Variants in FAR1 observed in about 807,000 individuals in gnomAD.
FAR1 encodes the protein fatty acyl-CoA reductase 1.
In FAR1, 22 loss-of-function variants were observed where a neutral mutation model predicts 61.1. The observed-to-expected ratio is 0.36, with a 90% CI of 0.26 to 0.51. FAR1 has a LOEUF of 0.51. Ranked by LOEUF, FAR1 falls within the 20% of genes least tolerant of loss-of-function variation. FAR1 has a pLI of 0.95. For missense variants in FAR1, 359 were observed against 626.9 expected (o/e 0.57, Z 4.56); for synonymous variants, 206 against 209.7 (o/e 0.98, Z 0.15).
In FAR1 at chr11:13,732,125, TAAAAA is replaced by T. The variant is rs11292719; in HGVS notation, c.*3359_*3363del. The T allele has an allele frequency of 1.3e-5, 2 of 149,726 alleles. No individual in the cohort carries two copies. The highest frequency in any genetic ancestry group is 3.0e-5 in the Non-Finnish European group (2 of 67,382). The allele number at this position is 149,726 out of a possible 1,614,324, so 9.3% of individuals were successfully genotyped here. A position where few individuals can be genotyped will look rare whatever the true frequency, so the allele number is the denominator to read the frequency against. On this transcript the variant is annotated 3_prime_UTR_variant, in exon 12 of 12. Transcript: ENST00000354817. ...AGAAATGAGTTAATTGTCTCTGTGA[TAAAAA>T]AAAAAAATGAAATATTTTCTTATTG...
intron 4 of FAR1, among the ~76,000 whole-genome samples, chr11:13,709,316 A>G (rs1346878728): frequency 6.6e-6 from 1 of 152,088 alleles, no homozygotes; most frequent in Non-Finnish European, 1.5e-5. Flanking sequence ...TTTCTCACTC[A>G]TTTTCTTAGA....
intron 1 of FAR1, among the ~76,000 whole-genome samples, chr11:13,675,920 A>G (rs1235355752): frequency 6.6e-6 from 1 of 152,212 alleles, no homozygotes; most frequent in Admixed American, 6.5e-5. Flanking sequence ...ATCTTAAAGT[A>G]TATTCCCTAA....
intron 1 of FAR1, among the ~76,000 whole-genome samples, chr11:13,675,082 C>T (rs1848051566): frequency 6.8e-6 from 1 of 146,666 alleles, no homozygotes; most frequent in South Asian, 2.1e-4. Context: ...CAGTTGTTAC[C>T]ATGCAGTGTG....
At chr11:13,725,615 T>G (rs1591273807) in intron 10 of FAR1, among the ~76,000 whole-genome samples, 1 of 152,274 alleles carries the variant, frequency 6.6e-6, no homozygotes, top group East Asian at 1.9e-4. Flanking sequence ...AAATGCAGAC[T>G]TGGACAATGT....
Position 13,714,627 on chromosome 11 carries a change from G to C in FAR1, c.1074G>C (p.Lys358Asn), listed in dbSNP as rs775487201. Residue 358 changes from lysine to asparagine, a missense_variant, in exon 9 of 12, where the codon AAG (lysine) becomes AAC (asparagine). Coordinates refer to ENST00000354817, the MANE Select transcript of FAR1 (RefSeq NM_032228.6). The stretch of plus-strand genomic sequence containing the variant: ...ATTACTGGATTGCTGTAAGCCATAA[G>C]GCCCCAGCATTCCTGTATGATATCT... ...LYHYWIAVSH[K>N]APAFLYDIYL... The C allele has an allele frequency of 1.9e-6, 3 of 1,613,274 alleles. No homozygotes were observed. In the South Asian group the frequency reaches 3.3e-5, roughly 18 times the overall value.
intron 1 of FAR1, among the ~76,000 whole-genome samples, chr11:13,679,392 T>C (rs1047364660): frequency 1.3e-5 from 2 of 152,160 alleles, no homozygotes; most frequent in Non-Finnish European, 2.9e-5. Flanking sequence ...TAGAAGGAAA[T>C]TGAATACATG....
At chr11:13,677,590 A>C (rs1848080532) in intron 1 of FAR1, among the ~76,000 whole-genome samples, 1 of 152,166 alleles carries the variant, frequency 6.6e-6, no homozygotes, top group Admixed American at 6.5e-5. Flanking sequence ...CCCGATTCTG[A>C]GTTCTTTTGC....
At chr11:13,671,210 G>A (rs1355773388) in intron 1 of FAR1, among the ~76,000 whole-genome samples, 1 of 152,156 alleles carries the variant, frequency 6.6e-6, no homozygotes, top group African/African-American at 2.4e-5. Context: ...GGTGAGTTTT[G>A]AGCCATCATG....
intron 1 of FAR1, among the ~76,000 whole-genome samples, chr11:13,680,020 T>G (rs906871245): frequency 6.6e-6 from 1 of 152,136 alleles, no homozygotes; most frequent in Non-Finnish European, 1.5e-5. Flanking sequence ...AAAGTGGCCA[T>G]TATATCTACT....
chr11:13,709,418 G>A (rs186062748), intron 4 of FAR1, among the ~76,000 whole-genome samples: 1 of 152,204 alleles, frequency 6.6e-6, no homozygotes, highest in African/African-American at 2.4e-5. Flanking sequence ...AGTTAATGGA[G>A]CATTTTACTT....
At chr11:13,694,105 T>C (rs1848283760) in intron 1 of FAR1, among the ~76,000 whole-genome samples, 1 of 152,206 alleles carries the variant, frequency 6.6e-6, no homozygotes, top group Non-Finnish European at 1.5e-5. Flanking sequence ...TATTTTTTCT[T>C]TCATTATGGT....
chr11:13,711,105 A>C (rs950919647), intron 5 of FAR1: 2 of 476,746 alleles, frequency 4.2e-6, no homozygotes, highest in Non-Finnish European at 7.3e-6. Context: ...GTGAAAATTA[A>C]AAGCTGTGAC....
At chr11:13,710,945 C>A (rs1373879068) in intron 5 of FAR1, 75 bp downstream of exon 5, 13 of 1,319,518 alleles carry the variant, frequency 9.9e-6, no homozygotes, top group Non-Finnish European at 8.4e-6. Context: ...AAAGAGCTGG[C>A]AGTTCTTTAA....
At chr11:13,678,941 A>G (rs1012633501) in intron 1 of FAR1, among the ~76,000 whole-genome samples, 6 of 152,204 alleles carry the variant, frequency 3.9e-5, no homozygotes, top group African/African-American at 1.2e-4. Flanking sequence ...CAGCATATAT[A>G]TGAAGCATAC....
chr11:13,697,584 A>G (rs1848322277), intron 2 of FAR1, among the ~76,000 whole-genome samples: 1 of 152,212 alleles, frequency 6.6e-6, no homozygotes, highest in Non-Finnish European at 1.5e-5. Flanking sequence ...GTGGGTTGAA[A>G]GCACCAGAAA....
intron 10 of FAR1, among the ~76,000 whole-genome samples, chr11:13,725,665 T>C (rs1254924258): frequency 6.6e-6 from 1 of 152,174 alleles, no homozygotes; most frequent in Non-Finnish European, 1.5e-5. Context: ...TCCTTACACA[T>C]TGCTGGTAGA....
chr11:13,675,041 C>T (rs1326352702), intron 1 of FAR1, among the ~76,000 whole-genome samples: 1 of 135,962 alleles, frequency 7.4e-6, no homozygotes, highest in Non-Finnish European at 1.5e-5. Flanking sequence ...TATTTTGAAG[C>T]AAATCCCTAG....
At chr11:13,705,201 A>G (rs1450489057) in intron 3 of FAR1, among the ~76,000 whole-genome samples, 1 of 152,186 alleles carries the variant, frequency 6.6e-6, no homozygotes, top group Non-Finnish European at 1.5e-5. Flanking sequence ...TTATGACTCC[A>G]TATAACCAAA....
At chr11:13,714,095 A>G (rs1390604927) in intron 8 of FAR1, among the ~76,000 whole-genome samples, 2 of 152,164 alleles carry the variant, frequency 1.3e-5, no homozygotes, top group African/African-American at 4.8e-5. Context: ...AATGTATGTT[A>G]ATTTGAGCAT....
Sources: allele counts gnomAD v4.1 joint callset (sites outside exome capture counted in the v4.1 genomes callset), GRCh38; gene constraint gnomAD v4.1.1; transcripts MANE v1.5; gene names NCBI Gene and HGNC (gene_info 2026-07-23, HGNC 2026-07-21).